MSRA: variants seen among roughly 807,000 people sequenced by gnomAD.
The protein encoded by MSRA is mitochondrial peptide methionine sulfoxide reductase.
MSRA carries 54 observed loss-of-function variants against 31.3 expected under a neutral mutation model. The ratio of observed to expected loss-of-function variants is 1.73; its 90% CI spans 1.39 to 2.17. The LOEUF is 2.17. Ranked by LOEUF, MSRA falls within the 30% of genes most tolerant of loss-of-function variation. The probability of loss-of-function intolerance (pLI) is 0.00; values close to 1 mark genes in which losing one functional copy is unlikely to be tolerated. For missense variants in MSRA, 507 were observed against 300.9 expected (o/e 1.69, Z -5.07); for synonymous variants, 169 against 116.5 (o/e 1.45, Z -2.90).
chr8:10,426,218 G>A (rs1809152432), intron 5 of MSRA, among the ~76,000 whole-genome samples: 1 of 152,188 alleles, frequency 6.6e-6, no homozygotes, highest in African/African-American at 2.4e-5. Flanking sequence ...TCTGTTCCCT[G>A]AAAACAGTCT....
chr8:10,229,894 C>T (rs540856300), intron 2 of MSRA, among the ~76,000 whole-genome samples: 11 of 152,286 alleles, frequency 7.2e-5, no homozygotes, highest in African/African-American at 2.4e-4. Context: ...ACTCTGCATT[C>T]CCCGTCCTCC....
intron 1 of MSRA, among the ~76,000 whole-genome samples, chr8:10,091,991 G>C (rs911976010): frequency 1.3e-5 from 2 of 152,100 alleles, no homozygotes; most frequent in African/African-American, 2.4e-5. Flanking sequence ...CAATGGTGTA[G>C]ATGGTTCCCT....
At chr8:10,214,815 G>C (rs531756281) in intron 2 of MSRA, among the ~76,000 whole-genome samples, 3 of 152,304 alleles carry the variant, frequency 2.0e-5, no homozygotes, top group East Asian at 1.9e-4. Flanking sequence ...TGGAGACATA[G>C]TTTAAGATGC....
intron 5 of MSRA, among the ~76,000 whole-genome samples, chr8:10,335,669 T>C (rs1474010718): frequency 2.6e-5 from 4 of 152,230 alleles, no homozygotes; most frequent in African/African-American, 9.6e-5. Flanking sequence ...CGACTTGGGT[T>C]CCCTGCTGAG....
At chr8:10,351,086 AC>A (rs1472376035) in intron 5 of MSRA, among the ~76,000 whole-genome samples, 1 of 152,144 alleles carries the variant, frequency 6.6e-6, no homozygotes, top group Non-Finnish European at 1.5e-5. Flanking sequence ...TGTGAGTCAG[AC>A]GACGTCCTGC....
intron 1 of MSRA, among the ~76,000 whole-genome samples, chr8:10,174,331 G>A (rs146285534): frequency 3.3e-5 from 5 of 152,268 alleles, no homozygotes; most frequent in Non-Finnish European, 5.9e-5. Context: ...AGCAGATGGC[G>A]TGCAGGTGAG....
At position 10,231,137 on chromosome 8, in the gene MSRA, G is replaced by T. The variant is rs114174696; in HGVS notation, c.212-13967G>T. Among the ~76,000 whole-genome samples the T allele has an allele frequency of 8.7e-3, 1,329 of 152,232 alleles. 24 individuals carry two copies. The highest frequency in any genetic ancestry group is 0.03 in the African/African-American group (1,263 of 41,542). On this transcript the variant is annotated intron_variant, in intron 2 of 5. Coordinates refer to ENST00000317173, the MANE Select transcript of MSRA (RefSeq NM_012331.5). Reference sequence around the variant, plus strand: ...TGACAGGTTTGAAAGTGCATGAGATGGAGACTGACTGGAAGGGATGAGAAA... The same window carrying T: ...TGACAGGTTTGAAAGTGCATGAGATTGAGACTGACTGGAAGGGATGAGAAA...
chr8:10,086,503 C>G (rs990431027), intron 1 of MSRA, among the ~76,000 whole-genome samples: 1 of 152,164 alleles, frequency 6.6e-6, no homozygotes, highest in African/African-American at 2.4e-5. Flanking sequence ...TGAAATTTTT[C>G]TACCCTATAT....
chr8:10,327,409 G>A (rs1375598860), intron 5 of MSRA, among the ~76,000 whole-genome samples: 5 of 152,166 alleles, frequency 3.3e-5, no homozygotes, highest in African/African-American at 1.2e-4. Context: ...TTAAAGAAAA[G>A]TTCCCAAAGT....
chr8:10,323,089 C>CAAAAAAAAAA (rs34539032), intron 5 of MSRA, among the ~76,000 whole-genome samples: 1 of 112,340 alleles, frequency 8.9e-6, no homozygotes, highest in Non-Finnish European at 1.7e-5. Flanking sequence ...GACTCCATCT[C>CAAAAAAAAAA]AAAAAAAAAA....
chr8:10,328,976 G>A (rs986242095), intron 5 of MSRA, among the ~76,000 whole-genome samples: 2 of 152,118 alleles, frequency 1.3e-5, no homozygotes, highest in Admixed American at 1.3e-4. Context: ...TATATTAAAA[G>A]GAAGGATTAA....
intron 3 of MSRA, among the ~76,000 whole-genome samples, chr8:10,245,449 T>G (rs1797574114): frequency 6.6e-6 from 1 of 152,260 alleles, no homozygotes; most frequent in Non-Finnish European, 1.5e-5. Flanking sequence ...ACAACCACTC[T>G]AAAACATGGT....
At chr8:10,403,297 G>T (rs190482412) in intron 5 of MSRA, among the ~76,000 whole-genome samples, 66 of 152,318 alleles carry the variant, frequency 4.3e-4, no homozygotes, top group Admixed American at 1.1e-3. Flanking sequence ...TGTCCCAGGA[G>T]AAAAATGACA....
At chr8:10,410,623 A>C (rs1055728030) in intron 5 of MSRA, among the ~76,000 whole-genome samples, 3 of 152,210 alleles carry the variant, frequency 2.0e-5, no homozygotes, top group Non-Finnish European at 4.4e-5. Flanking sequence ...CCTGAAGGTC[A>C]TGCTGTTTGG....
intron 5 of MSRA, among the ~76,000 whole-genome samples, chr8:10,382,706 A>G (rs530682311): frequency 6.6e-6 from 1 of 152,282 alleles, no homozygotes; most frequent in African/African-American, 2.4e-5. Flanking sequence ...AAAGGACTCG[A>G]ATGGGCTAAA....
intron 1 of MSRA, among the ~76,000 whole-genome samples, chr8:10,202,695 C>G (rs891790633): frequency 4.6e-5 from 7 of 152,128 alleles, no homozygotes; most frequent in Non-Finnish European, 8.8e-5. Context: ...TGAAACAGAC[C>G]TGTTGGAAAG....
At chr8:10,229,436 G>A (rs4240635) in intron 2 of MSRA, among the ~76,000 whole-genome samples, 70,138 of 151,940 alleles carry the variant, frequency 0.46, 18,375 homozygotes, top group African/African-American at 0.7. Context: ...AGTATGGTAC[G>A]TTTCATCTGA....
At chr8:10,163,180 A>AC (rs1392065640) in intron 1 of MSRA, among the ~76,000 whole-genome samples, 3 of 152,230 alleles carry the variant, frequency 2.0e-5, no homozygotes, top group Non-Finnish European at 4.4e-5. Flanking sequence ...TTGATCTTGG[A>AC]CTTCCAGCCT....
chr8:10,421,662 C>T (rs1023153931), intron 5 of MSRA, among the ~76,000 whole-genome samples: 6 of 152,174 alleles, frequency 3.9e-5, no homozygotes, highest in Non-Finnish European at 7.3e-5. Flanking sequence ...CCTAGAAGGA[C>T]GGATGGGACC....
Sources: allele counts gnomAD v4.1 joint callset (sites outside exome capture counted in the v4.1 genomes callset), GRCh38; gene constraint gnomAD v4.1.1; transcripts MANE v1.5; gene names NCBI Gene and HGNC (gene_info 2026-07-23, HGNC 2026-07-21).